The following PDE4D variants were observed in gnomAD, a reference collection of about 807,000 sequenced individuals.
PDE4D encodes the protein 3',5'-cyclic-AMP phosphodiesterase 4D.
A neutral mutation model predicts 87.4 loss-of-function variants in PDE4D; 24 were observed. The observed-to-expected ratio is 0.27, with a 90% CI of 0.20 to 0.39. PDE4D has a LOEUF of 0.39. Among genes scored for constraint, PDE4D ranks in the 10% least tolerant of loss-of-function variants. The pLI is 1.00. For synonymous variants in PDE4D, 384 were observed against 383.2 expected, an observed-to-expected ratio of 1.00 and a Z score of -0.02; for missense variants, 714 against 1,041.0, an observed-to-expected ratio of 0.69 and a Z score of 4.32.
chr5:60,200,678 G>T (rs1215795815), intron 1 of PDE4D, among the ~76,000 whole-genome samples: 1 of 152,004 alleles, frequency 6.6e-6, no homozygotes, highest in Non-Finnish European at 1.5e-5. Flanking sequence ...CACTCTCCTT[G>T]CTCCCAAATT....
At chr5:59,594,845 T>C (rs1042464285) in intron 1 of PDE4D, among the ~76,000 whole-genome samples, 1 of 152,154 alleles carries the variant, frequency 6.6e-6, no homozygotes, top group Non-Finnish European at 1.5e-5. Flanking sequence ...GAATATACAA[T>C]ACTAAGAGTA....
rs115389647 is a variant in PDE4D, at chr5:59,408,159, A to C, written c.456-192191T>G. ...ACCACAGTCCCAGTGGTACAGGAGG[A>C]CTAAATGGTTTAGGGGATAAGCACA... On this transcript the variant is annotated intron_variant, in intron 1 of 14. Coordinates refer to ENST00000340635, the MANE Select transcript of PDE4D (RefSeq NM_001104631.2). Among the ~76,000 whole-genome samples the C allele has an allele frequency of 8.9e-3, 1,353 of 152,294 alleles. 26 individuals carry two copies. Among genetic ancestry groups the C allele is most frequent in the African/African-American group, 0.031 (1,296 of 41,564 alleles).
chr5:58,995,607 G>A (rs909144242), intron 6 of PDE4D, among the ~76,000 whole-genome samples: 1 of 152,140 alleles, frequency 6.6e-6, no homozygotes, highest in African/African-American at 2.4e-5. Context: ...TATTATTTGA[G>A]TTCTTTCTCC....
At chr5:59,064,623 T>C (rs1763612866) in intron 5 of PDE4D, among the ~76,000 whole-genome samples, 1 of 152,160 alleles carries the variant, frequency 6.6e-6, no homozygotes. Flanking sequence ...ACCATGGTGA[T>C]TTGTTAATTC....
chr5:59,768,410 G>T, intron 1 of PDE4D: 2 of 1,598,356 alleles, frequency 1.3e-6, no homozygotes, highest in Non-Finnish European at 1.7e-6. Flanking sequence ...AGGTTTTCTC[G>T]CAAGGATTTC....
intron 3 of PDE4D, among the ~76,000 whole-genome samples, chr5:59,189,620 T>TTG (rs1466135483): frequency 6.6e-6 from 1 of 152,080 alleles, no homozygotes; most frequent in Non-Finnish European, 1.5e-5. Context: ...TTTATCAGCA[T>TTG]TGTGCCTCCT....
chr5:59,916,056 C>A (rs1164919488), intron 3 of PDE4D, among the ~76,000 whole-genome samples: 1 of 152,178 alleles, frequency 6.6e-6, no homozygotes, highest in Non-Finnish European at 1.5e-5. Flanking sequence ...AATCTCTACT[C>A]ATCACACCAC....
chr5:59,085,421 C>T (rs935241748), intron 5 of PDE4D, among the ~76,000 whole-genome samples: 1 of 152,030 alleles, frequency 6.6e-6, no homozygotes, highest in Non-Finnish European at 1.5e-5. Flanking sequence ...ATTGACAGTT[C>T]GTTTTCTCCC....
chr5:59,845,036 A>G (rs1024494633), intron 1 of PDE4D, among the ~76,000 whole-genome samples: 1 of 152,046 alleles, frequency 6.6e-6, no homozygotes, highest in Non-Finnish European at 1.5e-5. Context: ...GGTGATCAGC[A>G]AGAAAGTGGG....
intron 1 of PDE4D, among the ~76,000 whole-genome samples, chr5:59,667,370 G>A (rs1387904807): frequency 6.6e-6 from 1 of 151,996 alleles, no homozygotes. Flanking sequence ...AGAATGCAGT[G>A]GTGGGATCAT....
At chr5:59,517,667 A>C (rs1811413821) in intron 1 of PDE4D, among the ~76,000 whole-genome samples, 1 of 152,208 alleles carries the variant, frequency 6.6e-6, no homozygotes, top group African/African-American at 2.4e-5. Context: ...TGAAGCTGAA[A>C]GGAGGATATA....
chr5:59,914,821 A>G (rs1049299999), intron 3 of PDE4D, among the ~76,000 whole-genome samples: 1 of 141,742 alleles, frequency 7.1e-6, no homozygotes, highest in African/African-American at 2.6e-5. Flanking sequence ...AGTAGGTAGG[A>G]GAAGGGGAAG....
At chr5:59,114,506 T>C (rs1250787282) in intron 5 of PDE4D, among the ~76,000 whole-genome samples, 2 of 152,122 alleles carry the variant, frequency 1.3e-5, no homozygotes, top group Non-Finnish European at 2.9e-5. Flanking sequence ...GGTTCCAAGC[T>C]TTGCAGAAGA....
chr5:59,700,708 T>C (rs1055593491), intron 1 of PDE4D, among the ~76,000 whole-genome samples: 1 of 152,204 alleles, frequency 6.6e-6, no homozygotes, highest in Non-Finnish European at 1.5e-5. Context: ...CTCACCTTCT[T>C]TGGTCTTATT....
chr5:59,303,217 C>G (rs903980272), intron 1 of PDE4D, among the ~76,000 whole-genome samples: 4 of 152,080 alleles, frequency 2.6e-5, no homozygotes, highest in African/African-American at 9.7e-5. Context: ...ATGCCCTTAG[C>G]CTACTTTTTG....
At position 60,003,764 on chromosome 5, in the gene PDE4D, C is replaced by T. The variant is rs1403715120; in HGVS notation, c.43-15047G>A. Among the ~76,000 whole-genome samples, 11 of 151,136 alleles carry T rather than the reference C, an allele frequency of 7.3e-5. No individual in the cohort carries two copies. The South Asian group carries it at 2.3e-3, about 32-fold the overall frequency. On this transcript the variant is annotated intron_variant, in intron 2 of 16. Coordinates refer to the PDE4D transcript ENST00000502484. ...AGAACAAAGTTGGAAGCGTCATACT[C>T]CCTAATTCCAAACTATATTACAAAG...
intron 5 of PDE4D, among the ~76,000 whole-genome samples, chr5:59,105,295 G>A (rs1260023221): frequency 6.6e-6 from 1 of 152,154 alleles, no homozygotes; most frequent in Non-Finnish European, 1.5e-5. Context: ...ATGTAATTCA[G>A]TATTATCATT....
At chr5:59,373,654 C>T (rs1053430992) in intron 1 of PDE4D, among the ~76,000 whole-genome samples, 2 of 152,098 alleles carry the variant, frequency 1.3e-5, no homozygotes, top group African/African-American at 4.8e-5. Context: ...GTTAGAGAGG[C>T]CAACATTTAA....
At chr5:59,329,386 A>G (rs1189505307) in intron 1 of PDE4D, among the ~76,000 whole-genome samples, 1 of 152,146 alleles carries the variant, frequency 6.6e-6, no homozygotes, top group Admixed American at 6.6e-5. Flanking sequence ...ATAAACATAT[A>G]CCTTTTTATT....
Sources: allele counts gnomAD v4.1 joint callset (sites outside exome capture counted in the v4.1 genomes callset), GRCh38; gene constraint gnomAD v4.1.1; transcripts MANE v1.5; gene names NCBI Gene and HGNC (gene_info 2026-07-23, HGNC 2026-07-21).